ZNF736: variants seen among roughly 807,000 people sequenced by gnomAD.
ZNF736 encodes the protein KRAB-containing zinc-finger repressor protein.
ZNF736 carries 6 observed loss-of-function variants against 11.7 expected under a neutral mutation model. The observed-to-expected ratio is 0.51, with a 90% CI of 0.28 to 1.01. The LOEUF (loss-of-function observed/expected upper bound fraction) is 1.01. ZNF736 is among the 50% of genes least tolerant of loss of function. The pLI is 0.09. For missense variants in ZNF736, 444 were observed against 496.0 expected (o/e 0.90, Z 1.00); for synonymous variants, 139 against 164.7 (o/e 0.84, Z 1.19).
chr7:64,341,531 A>G (rs28580000), intron 3 of ZNF736, among the ~76,000 whole-genome samples: 46,762 of 151,992 alleles, frequency 0.31, 7,357 homozygotes, highest in African/African-American at 0.34. Context: ...GTCAGATTCT[A>G]TAATCTTTTG....
Position 64,319,488 on chromosome 7 carries a change from C to CTTTTTTTTTTTTTTTTTTTTTTTTTTT in ZNF736, c.3+5335_3+5336insTTTTTTTTTTTTTTTTTTTTTTTTTTT, listed in dbSNP as rs1408764142. Among the ~76,000 whole-genome samples the CTTTTTTTTTTTTTTTTTTTTTTTTTTT allele has an allele frequency of 2.7e-5, 2 of 75,248 alleles. 1 individual carries two copies. Among genetic ancestry groups the CTTTTTTTTTTTTTTTTTTTTTTTTTTT allele is most frequent in the Non-Finnish European group, 4.8e-5 (2 of 41,256 alleles). The allele number at this position is 75,248 out of a possible 152,430, so 49.4% of individuals were successfully genotyped here. Reference sequence around the variant, plus strand: ...CCAGGTAAATAGAAAACATTTCTTCCCTTTTTTTTTTTTTTTTTTTTTTTT... The same window carrying CTTTTTTTTTTTTTTTTTTTTTTTTTTT: ...CCAGGTAAATAGAAAACATTTCTTCCTTTTTTTTTTTTTTTTTTTTTTTTTTTCTTTTTTTTTTTTTTTTTTTTTTTT... On this transcript the variant is annotated intron_variant, in intron 1 of 3. Transcript: ENST00000423484.
chr7:64,333,256 A>G (rs1168125171), intron 1 of ZNF736, among the ~76,000 whole-genome samples: 1 of 152,104 alleles, frequency 6.6e-6, no homozygotes, highest in Admixed American at 6.6e-5. Flanking sequence ...TTCACTTTTT[A>G]TTCTCATGAT....
chr7:64,315,510 G>GTTAA (rs1403233938), intron 1 of ZNF736, among the ~76,000 whole-genome samples: 1 of 152,128 alleles, frequency 6.6e-6, no homozygotes, highest in Non-Finnish European at 1.5e-5. Flanking sequence ...CTTGTGGTTG[G>GTTAA]TTAAGCCTAA....
intron 1 of ZNF736, among the ~76,000 whole-genome samples, chr7:64,318,612 A>G (rs951352934): frequency 7.2e-5 from 11 of 152,184 alleles, no homozygotes; most frequent in Non-Finnish European, 1.2e-4. Context: ...CTTTTTTAAA[A>G]TTAAACTAAC....
chr7:64,347,468 C>T (rs541159450), intron 3 of ZNF736, among the ~76,000 whole-genome samples: 30 of 152,176 alleles, frequency 2.0e-4, no homozygotes, highest in Admixed American at 9.8e-4. Context: ...TCAGGTGGTC[C>T]GCCTGCCTCA....
intron 1 of ZNF736, among the ~76,000 whole-genome samples, chr7:64,330,972 A>G (rs1789157803): frequency 6.6e-6 from 1 of 152,188 alleles, no homozygotes; most frequent in Admixed American, 6.5e-5. Flanking sequence ...CTCAAGTAGA[A>G]AGAAAGATTT....
chr7:64,326,286 C>A (rs1164662135), intron 1 of ZNF736, among the ~76,000 whole-genome samples: 3 of 152,146 alleles, frequency 2.0e-5, no homozygotes, highest in Non-Finnish European at 4.4e-5. Context: ...GCCCCAAAAT[C>A]TGCAGGCAGA....
chr7:64,349,091 T>C lies in ZNF736; in HGVS notation c.1228T>C (p.Ser410Pro). 5.7e-6 allele frequency: 9 copies of C among 1,592,760 alleles called. No individual in the cohort carries two copies. The highest frequency in any genetic ancestry group is 7.7e-6 in the Non-Finnish European group (9 of 1,168,908). The change falls in exon 4 of 4, where the codon TCA (serine) becomes CCA (proline). Residue 410 changes from serine to proline, a missense_variant. Transcript: ENST00000423484. Reference protein sequence around the residue: ...EECGKASSWFSHLIRHKRIHT... With the variant: ...EECGKASSWFPHLIRHKRIHT... Reference sequence around the variant, plus strand: ...ATGTGGCAAAGCATCGAGCTGGTTCTCACACCTCATCAGACATAAGAGAAT... The same window carrying C: ...ATGTGGCAAAGCATCGAGCTGGTTCCCACACCTCATCAGACATAAGAGAAT...
At chr7:64,345,485 C>T (rs547731572) in intron 3 of ZNF736, among the ~76,000 whole-genome samples, 1 of 151,374 alleles carries the variant, frequency 6.6e-6, no homozygotes, top group African/African-American at 2.4e-5. Context: ...CATCCCAGCA[C>T]TTTGGGAGGC....
chr7:64,329,396 A>G (rs909386949), intron 1 of ZNF736, among the ~76,000 whole-genome samples: 5 of 152,110 alleles, frequency 3.3e-5, no homozygotes, highest in African/African-American at 1.2e-4. Flanking sequence ...TTTCTTAGAA[A>G]GGCTTTCCAA....
At chr7:64,345,732 TAAA>T (rs60388880) in intron 3 of ZNF736, among the ~76,000 whole-genome samples, 6 of 82,882 alleles carry the variant, frequency 7.2e-5, no homozygotes, top group Admixed American at 6.9e-4. Flanking sequence ...TACTCCATCT[TAAA>T]AAAAAAAAAA....
At chr7:64,334,641 TACTG>T in intron 1 of ZNF736, among the ~76,000 whole-genome samples, 1 of 152,222 alleles carries the variant, frequency 6.6e-6, no homozygotes, top group South Asian at 2.1e-4. Context: ...AGGAAACAGA[TACTG>T]GCAAGGATGT....
intron 3 of ZNF736, among the ~76,000 whole-genome samples, chr7:64,338,036 T>C (rs1448951093): frequency 6.6e-6 from 1 of 152,208 alleles, no homozygotes. Flanking sequence ...ATTATAGGTA[T>C]GAGCCACTGT....
intron 3 of ZNF736, among the ~76,000 whole-genome samples, chr7:64,342,641 T>C (rs1434060853): frequency 2.6e-5 from 4 of 152,108 alleles, no homozygotes; most frequent in Admixed American, 6.5e-5. Context: ...GTCTTATATA[T>C]ATGTTTTTCT....
chr7:64,341,857 C>T (rs1396502847), intron 3 of ZNF736, among the ~76,000 whole-genome samples: 1 of 152,116 alleles, frequency 6.6e-6, no homozygotes, highest in African/African-American at 2.4e-5. Flanking sequence ...AAAGAATAGC[C>T]ATACACTCAG....
rs79891116 is a variant in ZNF736, at chr7:64,355,232, G to A, written c.*6085G>A. On this transcript the variant is annotated 3_prime_UTR_variant, in exon 4 of 4. Coordinates refer to ENST00000423484, the MANE Select transcript of ZNF736 (RefSeq NM_001170905.3). Reference sequence around the variant, plus strand: ...GTCAAACCTGGAATTGCTGACACAGGTTAAGAGTATGCACCACAGGTATCG... The same window carrying A: ...GTCAAACCTGGAATTGCTGACACAGATTAAGAGTATGCACCACAGGTATCG... The A allele has an allele frequency of 0.033, 5,693 of 174,124 alleles. 200 individuals are homozygous for A. The highest frequency in any genetic ancestry group is 0.16 in the East Asian group (906 of 5,538). 10.8% of individuals were successfully genotyped at this position (174,124 alleles called of 1,614,324 possible).
At chr7:64,331,885 A>T (rs931856716) in intron 1 of ZNF736, among the ~76,000 whole-genome samples, 1 of 152,100 alleles carries the variant, frequency 6.6e-6, no homozygotes, top group Non-Finnish European at 1.5e-5. Context: ...GAAAGGGGAA[A>T]CTCACATTTT....
chr7:64,334,900 T>C (rs1300606525), intron 1 of ZNF736, among the ~76,000 whole-genome samples: 3 of 152,158 alleles, frequency 2.0e-5, no homozygotes, highest in East Asian at 3.9e-4. Context: ...TGCCCATCAA[T>C]GATAGACTGG....
At chr7:64,314,187 G>C (rs1788878299) in intron 1 of ZNF736, 34 bp downstream of exon 1, 2 of 1,551,310 alleles carry the variant, frequency 1.3e-6, no homozygotes, top group Non-Finnish European at 8.7e-7. Flanking sequence ...CGAGAATGGG[G>C]AAGAGGCTGT....
Sources: gnomAD v4.1 joint callset for allele counts (sites outside exome capture counted in the v4.1 genomes callset) on GRCh38, gnomAD v4.1.1 for gene constraint, MANE v1.5 for transcripts, NCBI Gene and HGNC (gene_info 2026-07-23, HGNC 2026-07-21) for gene names.